The following EXOC4 variants were observed in gnomAD, a reference collection of about 807,000 sequenced individuals.
EXOC4 encodes the protein exocyst complex component 4.
EXOC4 carries 71 observed loss-of-function variants against 107.2 expected under a neutral mutation model. The observed-to-expected ratio is 0.66, with a 90% confidence interval of 0.55 to 0.81. The LOEUF is 0.81. Ranked by LOEUF, EXOC4 falls within the 30% of genes least tolerant of loss-of-function variation. The pLI is 0.00. For synonymous variants in EXOC4, 456 were observed against 441.2 expected, an observed-to-expected ratio of 1.03 and a Z score of -0.42; for missense variants, 1,108 against 1,189.6, an observed-to-expected ratio of 0.93 and a Z score of 1.01.
intron 9 of EXOC4, among the ~76,000 whole-genome samples, chr7:133,580,622 C>T (rs183739112): frequency 6.6e-6 from 1 of 152,164 alleles, no homozygotes; most frequent in Non-Finnish European, 1.5e-5. Context: ...TTCCCTTTGA[C>T]TCTTAAAACA....
intron 10 of EXOC4, among the ~76,000 whole-genome samples, chr7:133,712,399 A>G (rs1170518941): frequency 7.8e-6 from 1 of 127,762 alleles, no homozygotes; most frequent in Non-Finnish European, 1.6e-5. Flanking sequence ...AGATTGCACC[A>G]TTGCACTCCA....
At chr7:133,268,757 A>G (rs1793796759) in intron 1 of EXOC4, among the ~76,000 whole-genome samples, 2 of 152,182 alleles carry the variant, frequency 1.3e-5, no homozygotes, top group South Asian at 4.1e-4. Context: ...AGAACTTAAT[A>G]ACATATTTGT....
At chr7:133,364,494 A>C (rs922274299) in intron 6 of EXOC4, among the ~76,000 whole-genome samples, 1 of 152,042 alleles carries the variant, frequency 6.6e-6, no homozygotes, top group Non-Finnish European at 1.5e-5. Context: ...ATTTAGTGGA[A>C]GTTATTATTA....
chr7:133,764,416 T>C (rs1480665797), intron 10 of EXOC4, among the ~76,000 whole-genome samples: 10 of 152,100 alleles, frequency 6.6e-5, no homozygotes, highest in Admixed American at 6.6e-4. Flanking sequence ...GAATATTTTA[T>C]GATGGCGTCT....
rs570589974 is a variant in EXOC4, at chr7:133,706,892, C to A, written c.1514+76751C>A. ...CCTTATGACCCCATCTGAATCTAAG[C>A]ACCTCCCAAAGGCCCCACATCCTAA... On this transcript the variant is annotated intron_variant, in intron 10 of 17. Coordinates refer to ENST00000253861, the MANE Select transcript of EXOC4 (RefSeq NM_021807.4). 2.0e-5 allele frequency among the ~76,000 whole-genome samples: 3 copies of A among 152,264 alleles called. No homozygotes were observed. The East Asian group carries it at 5.8e-4, about 29-fold the overall frequency.
At position 133,625,721 on chromosome 7, in the gene EXOC4, C is replaced by T. The variant is rs1323081333; in HGVS notation, c.1418-4324C>T. Among the ~76,000 whole-genome samples the T allele has an allele frequency of 4.6e-5, 7 of 152,288 alleles. No individual in the cohort carries two copies. The East Asian group carries it at 7.7e-4, about 17-fold the overall frequency. ...GCCTGTTGCCAGCTGCCTGGGACAG[C>T]GTGTCAAATCATCGTCCTTGTAATA... On this transcript the variant is annotated intron_variant, in intron 9 of 17. Coordinates refer to ENST00000253861, the MANE Select transcript of EXOC4 (RefSeq NM_021807.4).
intron 10 of EXOC4, among the ~76,000 whole-genome samples, chr7:133,787,600 C>A (rs1424207151): frequency 2.0e-5 from 3 of 151,650 alleles, no homozygotes; most frequent in African/African-American, 7.3e-5. Context: ...CATTCAAGAT[C>A]AGGATGTCAG....
At chr7:133,942,074 A>G (rs913299768) in intron 14 of EXOC4, among the ~76,000 whole-genome samples, 2 of 152,132 alleles carry the variant, frequency 1.3e-5, no homozygotes, top group Admixed American at 1.3e-4. Flanking sequence ...TTTGCATCTT[A>G]TCCTCTTGTT....
chr7:133,350,221 G>T (rs1200774473), intron 5 of EXOC4, among the ~76,000 whole-genome samples: 1 of 151,722 alleles, frequency 6.6e-6, no homozygotes, highest in Non-Finnish European at 1.5e-5. Flanking sequence ...TGTGTTTTTG[G>T]TATCATATCC....
chr7:133,513,766 G>A (rs1799818522), intron 9 of EXOC4, among the ~76,000 whole-genome samples: 1 of 152,166 alleles, frequency 6.6e-6, no homozygotes, highest in East Asian at 1.9e-4. Context: ...CCTGAGGTGA[G>A]TAATAAGGCT....
chr7:133,275,841 C>A (rs1208353615), intron 2 of EXOC4, among the ~76,000 whole-genome samples: 1 of 149,716 alleles, frequency 6.7e-6, no homozygotes, highest in Non-Finnish European at 1.5e-5. Context: ...AGAGTTGGAG[C>A]CTTGCTCTGT....
At chr7:133,813,182 G>C (rs980338313) in intron 10 of EXOC4, among the ~76,000 whole-genome samples, 6 of 152,114 alleles carry the variant, frequency 3.9e-5, no homozygotes, top group African/African-American at 1.4e-4. Flanking sequence ...AAAAGCGATG[G>C]GGGCCCCTTT....
At chr7:133,352,490 G>A (rs1795933796) in intron 5 of EXOC4, among the ~76,000 whole-genome samples, 1 of 151,636 alleles carries the variant, frequency 6.6e-6, no homozygotes, top group African/African-American at 2.4e-5. Context: ...TGTTTTCATG[G>A]AATATCTTTT....
At chr7:134,038,213 G>T (rs976392911) in intron 17 of EXOC4, among the ~76,000 whole-genome samples, 2 of 152,214 alleles carry the variant, frequency 1.3e-5, no homozygotes, top group Non-Finnish European at 2.9e-5. Context: ...AGAGGCATCT[G>T]CATCAGGCGG....
chr7:133,935,399 C>G (rs981517918), intron 13 of EXOC4, among the ~76,000 whole-genome samples: 1 of 152,106 alleles, frequency 6.6e-6, no homozygotes, highest in African/African-American at 2.4e-5. Flanking sequence ...AAGTTGGGCA[C>G]ATTGCTGACC....
chr7:133,347,259 T>TTTG (rs1795804605), intron 5 of EXOC4, among the ~76,000 whole-genome samples: 1 of 151,618 alleles, frequency 6.6e-6, no homozygotes, highest in Non-Finnish European at 1.5e-5. Flanking sequence ...TTTTTTTTTT[T>TTTG]GTGAGGCAGA....
intron 15 of EXOC4, 72 bp from the exon 16 acceptor site, chr7:134,004,840 T>C: frequency 7.8e-7 from 1 of 1,275,416 alleles, no homozygotes; most frequent in Non-Finnish European, 1.1e-6. Context: ...ATTTTGGTGC[T>C]CTGTCCCAAG....
intron 10 of EXOC4, among the ~76,000 whole-genome samples, chr7:133,648,422 T>C (rs2151031898): frequency 6.6e-6 from 1 of 152,344 alleles, no homozygotes; most frequent in African/African-American, 2.4e-5. Context: ...ACTTCTGCCT[T>C]TGTAGAATCA....
intron 12 of EXOC4, among the ~76,000 whole-genome samples, chr7:133,902,721 G>A (rs1428427486): frequency 1.3e-5 from 2 of 152,134 alleles, no homozygotes; most frequent in African/African-American, 2.4e-5. Context: ...CAGGTGTGTT[G>A]GCAGGTGCCC....
Sources: gnomAD v4.1 joint callset for allele counts (sites outside exome capture counted in the v4.1 genomes callset) on GRCh38, gnomAD v4.1.1 for gene constraint, MANE v1.5 for transcripts, NCBI Gene and HGNC (gene_info 2026-07-23, HGNC 2026-07-21) for gene names.